Variants in PMPCB observed in about 807,000 individuals in gnomAD.
PMPCB encodes the protein mitochondrial-processing peptidase subunit beta.
In PMPCB, 46 loss-of-function variants were observed where a neutral mutation model predicts 61.5. That is an observed-to-expected ratio of 0.75 (90% CI 0.59 to 0.96). The LOEUF (loss-of-function observed/expected upper bound fraction) is 0.96, where lower values mean the gene tolerates loss of function less well. Ranked by LOEUF, PMPCB falls within the 40% of genes least tolerant of loss-of-function variation. The pLI, the probability that PMPCB is intolerant of heterozygous loss-of-function variation, is 0.00. For missense variants in PMPCB, 590 were observed against 602.4 expected, an observed-to-expected ratio of 0.98 and a Z score of 0.22; for synonymous variants, 191 against 201.6, an observed-to-expected ratio of 0.95 and a Z score of 0.44.
intron 4 of PMPCB, among the ~76,000 whole-genome samples, chr7:103,300,672 A>G (rs1326794204): frequency 6.6e-6 from 1 of 152,192 alleles, no homozygotes; most frequent in East Asian, 1.9e-4. Context: ...GCAGTTTTAG[A>G]GCTAATTGGT....
intron 8 of PMPCB, 42 bp from the exon 9 acceptor site, chr7:103,310,273 A>G (rs1404474067): frequency 1.4e-5 from 21 of 1,492,228 alleles, no homozygotes; most frequent in African/African-American, 2.8e-5. Flanking sequence ...TATTTTGGAC[A>G]TGTATAATTA....
intron 12 of PMPCB, among the ~76,000 whole-genome samples, chr7:103,325,194 A>G (rs1818636545): frequency 6.6e-6 from 1 of 152,248 alleles, no homozygotes; most frequent in African/African-American, 2.4e-5. Context: ...CTGTAATCCC[A>G]GCACTTTGGG....
At position 103,297,453 on chromosome 7, in the gene PMPCB, A is replaced by G. The variant is rs537723931; in HGVS notation, c.-7A>G. 91 of 1,543,598 alleles carry G rather than the reference A, an allele frequency of 5.9e-5. No homozygotes were observed. The East Asian group carries it at 2.0e-3, about 33-fold the overall frequency. On this transcript the variant is annotated 5_prime_UTR_variant, in exon 1 of 13. Coordinates refer to ENST00000249269, the MANE Select transcript of PMPCB (RefSeq NM_004279.3). ...ATCCTTCATCCTCTACCTTCCTTCTAGCAGAAATGGCGGCTGCGGCGGCTC... is the reference window on the plus strand; with the variant it reads ...ATCCTTCATCCTCTACCTTCCTTCTGGCAGAAATGGCGGCTGCGGCGGCTC...
downstream of PMPCB, chr7:103,316,747 A>G: frequency 1.4e-5 from 16 of 1,155,438 alleles, no homozygotes; most frequent in Admixed American, 2.2e-5. Flanking sequence ...TTTCTGTGAT[A>G]ACAAGTGCTG....
chr7:103,337,445 G>T, the PMPCB span: 1 of 276,444 alleles, frequency 3.6e-6, no homozygotes, highest in African/African-American at 2.2e-5. Flanking sequence ...CTAAAGAGAG[G>T]TGAAGTATTA....
intron 12 of PMPCB, chr7:103,326,731 T>C: frequency 6.5e-7 from 1 of 1,536,242 alleles, no homozygotes; most frequent in Non-Finnish European, 8.8e-7. Flanking sequence ...TTTACCTATT[T>C]TTTCCTGCAA....
chr7:103,316,999 C>T, downstream of PMPCB: 1 of 1,613,216 alleles, frequency 6.2e-7, no homozygotes, highest in Non-Finnish European at 8.5e-7. Flanking sequence ...CTGATTTGCT[C>T]ATTTATTTCT....
chr7:103,309,174 T>A (rs763042144), intron 8 of PMPCB, 79 bp downstream of exon 8: 11 of 1,216,370 alleles, frequency 9.0e-6, no homozygotes, highest in Non-Finnish European at 1.2e-5. Context: ...TTTGTAAGAA[T>A]CCTTTTTTAA....
intron 12 of PMPCB, among the ~76,000 whole-genome samples, chr7:103,325,890 A>T (rs1818677860): frequency 6.7e-6 from 1 of 149,984 alleles, no homozygotes; most frequent in South Asian, 2.1e-4. Context: ...TGAGTCAGAG[A>T]GTAGTATACC....
In PMPCB at chr7:103,311,857, TAGA is replaced by T. The variant is rs1329671698; in HGVS notation, c.1293_1295del (p.Arg432del). On this transcript the variant is annotated inframe_deletion, in exon 11 of 13. Coordinates refer to ENST00000249269, the MANE Select transcript of PMPCB (RefSeq NM_004279.3). ...TTGGTAGGCAAATGTTATGCTATAA[TAGA>T]AGGATTCCCATCCCTGAGCTTGAAG... 14 of 1,613,126 alleles carry T rather than the reference TAGA, an allele frequency of 8.7e-6. No individual in the cohort carries two copies. The highest frequency in any genetic ancestry group is 1.2e-5 in the Non-Finnish European group (14 of 1,179,366).
At chr7:103,334,043 CG>C (rs879399717), downstream of PMPCB, among the ~76,000 whole-genome samples, 3 of 151,804 alleles carry the variant, frequency 2.0e-5, no homozygotes, top group Non-Finnish European at 4.4e-5. Context: ...CTCCACCTCC[CG>C]GGTTCACGCC....
chr7:103,341,997 GAATA>G, the PMPCB span: 1 of 1,376,026 alleles, frequency 7.3e-7, no homozygotes, highest in Non-Finnish European at 9.7e-7. Flanking sequence ...GTATCGCATG[GAATA>G]AATATGTTTC....
chr7:103,317,130 C>A, downstream of PMPCB: 1 of 919,822 alleles, frequency 1.1e-6, no homozygotes. Flanking sequence ...ACTCTGACCC[C>A]ATACTCCTCT....
chr7:103,341,036 G>A, the PMPCB span, among the ~76,000 whole-genome samples: 4 of 152,130 alleles, frequency 2.6e-5, no homozygotes, highest in Admixed American at 6.5e-5. Context: ...TTTGTCTTGT[G>A]CCACACAGCC....
intron 12 of PMPCB, chr7:103,327,322 G>T: frequency 8.0e-7 from 1 of 1,253,072 alleles, no homozygotes; most frequent in Non-Finnish European, 1.0e-6. Context: ...TCATTAAATA[G>T]AACACTTACA....
At chr7:103,329,071 T>A in exon 13 of PMPCB, 1 of 1,042,416 alleles carries the variant, frequency 9.6e-7, no homozygotes, top group South Asian at 1.5e-5. Context: ...AATTTGTGAT[T>A]ATCGCTGGTG....
At chr7:103,334,569 G>A in the PMPCB span, among the ~76,000 whole-genome samples, 3 of 147,088 alleles carry the variant, frequency 2.0e-5, no homozygotes, top group Admixed American at 6.9e-5. Context: ...GTTAGACTCC[G>A]TCTTAAAAAA....
At chr7:103,315,546 C>T (rs1282512861), downstream of PMPCB, among the ~76,000 whole-genome samples, 3 of 152,126 alleles carry the variant, frequency 2.0e-5, no homozygotes, top group Admixed American at 6.5e-5. Flanking sequence ...AAACAAACAG[C>T]CCCCTTCTCT....
In PMPCB at chr7:103,311,859, G is replaced by C; in HGVS notation, c.1292G>C (p.Arg431Thr). Residue 431 changes from arginine (R) to threonine (T), a missense_variant, in exon 11 of 13, where the codon AGA becomes ACA. Coordinates refer to ENST00000249269, the MANE Select transcript of PMPCB (RefSeq NM_004279.3). ...DIGRQMLCYN[R>T]RIPIPELEAR... is the part of the protein sequence containing the mutation. ...GGTAGGCAAATGTTATGCTATAATA[G>C]AAGGATTCCCATCCCTGAGCTTGAA... is the stretch of plus-strand genomic sequence containing the variant. 1.2e-6 allele frequency: 2 copies of C among 1,613,108 alleles called. No individual in the cohort carries two copies. Among genetic ancestry groups the C allele is most frequent in the Admixed American group, 3.3e-5 (2 of 59,990 alleles).
Sources: allele counts gnomAD v4.1 joint callset (sites outside exome capture counted in the v4.1 genomes callset), GRCh38; gene constraint gnomAD v4.1.1; transcripts MANE v1.5; gene names NCBI Gene and HGNC (gene_info 2026-07-23, HGNC 2026-07-21).